CNTNAP3B: variants seen among roughly 807,000 people sequenced by gnomAD.
The protein encoded by CNTNAP3B is contactin associated protein family member 3B.
In CNTNAP3B, 25 loss-of-function variants were observed where a neutral mutation model predicts 108.9. The observed-to-expected ratio is 0.23, with a 90% CI of 0.17 to 0.32. CNTNAP3B has a LOEUF of 0.32. Ranked by LOEUF, CNTNAP3B falls within the 10% of genes least tolerant of loss-of-function variation. The probability of loss-of-function intolerance (pLI) is 1.00; values close to 1 mark genes in which losing one functional copy is unlikely to be tolerated. For synonymous variants in CNTNAP3B, 103 were observed against 473.4 expected, an observed-to-expected ratio of 0.22 and a Z score of 10.16; for missense variants, 252 against 1,210.4, an observed-to-expected ratio of 0.21 and a Z score of 11.75.
intron 1 of CNTNAP3B, among the ~76,000 whole-genome samples, chr9:42,116,795 C>T (rs1387934873): frequency 7.2e-6 from 1 of 138,122 alleles, no homozygotes; most frequent in Non-Finnish European, 1.5e-5. Context: ...CGTGCAGAGA[C>T]ACACATAGGC....
chr9:42,030,813 G>GGA lies in CNTNAP3B; in HGVS notation c.391-17290_391-17289dup, dbSNP rs71274672. On this transcript the variant is annotated intron_variant, in intron 3 of 23. Transcript: ENST00000377561. The stretch of plus-strand genomic sequence containing the variant: ...TGTGCGAGAGAGAGAGAGAGAGAGA[G>GGA]GAGAGAGAGAGAGAGAGAGAGAGAG... Among the ~76,000 whole-genome samples the GGA allele has an allele frequency of 7.0e-3, 462 of 65,670 alleles. 43 individuals carry two copies. Among genetic ancestry groups the GGA allele is most frequent in the East Asian group, 0.02 (41 of 2,004 alleles). 43.1% of individuals were successfully genotyped at this position (65,670 alleles called of 152,430 possible). A position where few individuals can be genotyped will look rare whatever the true frequency, so the allele number is the denominator to read the frequency against.
rs1167608557 is a variant in CNTNAP3B, at chr9:41,928,682, G to A, written c.2365+635C>T. Reference sequence around the variant, plus strand: ...TACATTTAGTCTCAGACTTCTCCACGGCAATGTATGATGCTAGTGGGTAAG... The same window carrying A: ...TACATTTAGTCTCAGACTTCTCCACAGCAATGTATGATGCTAGTGGGTAAG... On this transcript the variant is annotated intron_variant, in intron 15 of 23. Coordinates refer to ENST00000377561, the MANE Select transcript of CNTNAP3B (RefSeq NM_001201380.3). Among the ~76,000 whole-genome samples, 9 of 152,130 alleles carry A rather than the reference G, an allele frequency of 5.9e-5. No individual in the cohort carries two copies. In the South Asian group the frequency reaches 1.7e-3, roughly 28 times the overall value.
rs1828411051 is a variant in CNTNAP3B at position 42,119,608 on chromosome 9, C to T, written c.85+9402G>A. ...TACAAGGCTACAGTAACCAAAACAG[C>T]ATGGCACTGGTACCAAAACAGAGAT... is the stretch of plus-strand genomic sequence containing the variant. On this transcript the variant is annotated intron_variant, in intron 1 of 23. Transcript: ENST00000377561. Among the ~76,000 whole-genome samples, 2 of 131,922 alleles carry T rather than the reference C, an allele frequency of 1.5e-5. 1 individual carries two copies. Among genetic ancestry groups the T allele is most frequent in the Admixed American group, 1.5e-4 (2 of 13,032 alleles). 86.5% of individuals were successfully genotyped at this position (131,922 alleles called of 152,430 possible).
At chr9:41,928,694 T>C (rs1823889341) in intron 15 of CNTNAP3B, among the ~76,000 whole-genome samples, 1 of 151,904 alleles carries the variant, frequency 6.6e-6, no homozygotes, top group Non-Finnish European at 1.5e-5. Flanking sequence ...CAATGTATGA[T>C]GCTAGTGGGT....
At chr9:42,042,488 G>A (rs1220317391) in intron 3 of CNTNAP3B, among the ~76,000 whole-genome samples, 6 of 140,720 alleles carry the variant, frequency 4.3e-5, no homozygotes, top group Non-Finnish European at 7.6e-5. Flanking sequence ...AAGAATAGTG[G>A]GGAAAAAATG....
At chr9:42,035,752 G>A (rs1479843487) in intron 3 of CNTNAP3B, among the ~76,000 whole-genome samples, 1 of 150,798 alleles carries the variant, frequency 6.6e-6, no homozygotes, top group East Asian at 1.9e-4. Flanking sequence ...TGAACTCCTG[G>A]GCTTAAGCTA....
intron 12 of CNTNAP3B, among the ~76,000 whole-genome samples, chr9:41,954,846 G>T (rs1405208025): frequency 1.2e-3 from 181 of 152,306 alleles, no homozygotes; most frequent in African/African-American, 4.2e-3. Context: ...ACCACACCTG[G>T]CTAATTTTTG....
At chr9:41,941,569 A>C (rs1824344192) in intron 13 of CNTNAP3B, among the ~76,000 whole-genome samples, 1 of 127,456 alleles carries the variant, frequency 7.8e-6, no homozygotes, top group African/African-American at 3.0e-5. Flanking sequence ...TATGACATTA[A>C]GAGTCTGGAA....
rs1325889924 is a variant in CNTNAP3B, at chr9:42,114,763, G to A, written c.86-10024C>T. ...AAAAAACATGTTCCACTGAAGAAGA[G>A]AGAAATGGGCAAAGTAACCAAGGAA... On this transcript the variant is annotated intron_variant, in intron 1 of 23. Coordinates refer to ENST00000377561, the MANE Select transcript of CNTNAP3B (RefSeq NM_001201380.3). Among the ~76,000 whole-genome samples, 2 of 134,870 alleles carry A rather than the reference G, an allele frequency of 1.5e-5. 1 individual carries two copies. Among genetic ancestry groups the A allele is most frequent in the Admixed American group, 1.5e-4 (2 of 13,332 alleles). The allele number at this position is 134,870 out of a possible 152,430, so 88.5% of individuals were successfully genotyped here.
At chr9:41,982,083 A>G (rs1251100958) in intron 9 of CNTNAP3B, among the ~76,000 whole-genome samples, 5 of 111,970 alleles carry the variant, frequency 4.5e-5, no homozygotes, top group Non-Finnish European at 8.8e-5. Flanking sequence ...AAAAAAAAAA[A>G]GTAAAGCCTA....
intron 3 of CNTNAP3B, among the ~76,000 whole-genome samples, chr9:42,049,187 T>C (rs1177990597): frequency 7.7e-6 from 1 of 129,420 alleles, no homozygotes; most frequent in Non-Finnish European, 1.6e-5. Context: ...CTCATTCCCA[T>C]GGCCAACCTC....
intron 13 of CNTNAP3B, among the ~76,000 whole-genome samples, chr9:41,951,890 A>C (rs1198347348): frequency 1.3e-5 from 2 of 152,252 alleles, no homozygotes; most frequent in Non-Finnish European, 2.9e-5. Context: ...CAGCCTGACC[A>C]ACACGGTGAA....
At chr9:42,089,684 C>T (rs1564193220) in intron 2 of CNTNAP3B, among the ~76,000 whole-genome samples, 1 of 148,142 alleles carries the variant, frequency 6.8e-6, no homozygotes, top group African/African-American at 2.5e-5. Context: ...TGAACCTAGT[C>T]AGTGTGCCAA....
At position 41,952,018 on chromosome 9, in the gene CNTNAP3B, G is replaced by A. The variant is rs528675262; in HGVS notation, c.2080+1165C>T. Among the ~76,000 whole-genome samples, 8 of 152,376 alleles carry A rather than the reference G, an allele frequency of 5.3e-5. No homozygotes were observed. In the South Asian group the frequency reaches 1.4e-3, roughly 28 times the overall value. ...CTTGAATCCGGGAGGGGAGCGGGTT[G>A]CAGTGAGCAAAGATCGTGCCACTGC... On this transcript the variant is annotated intron_variant, in intron 13 of 23. Coordinates refer to ENST00000377561, the MANE Select transcript of CNTNAP3B (RefSeq NM_001201380.3).
At chr9:42,094,394 C>A (rs1827858452) in intron 2 of CNTNAP3B, among the ~76,000 whole-genome samples, 1 of 129,866 alleles carries the variant, frequency 7.7e-6, no homozygotes, top group Non-Finnish European at 1.6e-5. Context: ...GTGGCTCAGG[C>A]CTGTAATCCC....
chr9:41,966,889 C>T (rs1326507977), intron 10 of CNTNAP3B, among the ~76,000 whole-genome samples: 2 of 150,086 alleles, frequency 1.3e-5, no homozygotes, highest in Admixed American at 1.3e-4. Context: ...ATGGCATGAA[C>T]CCAGGAGGCG....
chr9:41,990,905 G>C (rs1245376632), intron 8 of CNTNAP3B, among the ~76,000 whole-genome samples: 1 of 139,698 alleles, frequency 7.2e-6, no homozygotes, highest in African/African-American at 2.8e-5. Flanking sequence ...GGCCCTGATG[G>C]GGAGTGGGGA....
Position 42,118,250 on chromosome 9 carries a change from T to C in CNTNAP3B, c.85+10760A>G, listed in dbSNP as rs531621435. 2.2e-5 allele frequency among the ~76,000 whole-genome samples: 3 copies of C among 139,412 alleles called. No individual in the cohort carries two copies. The East Asian group carries it at 6.6e-4, about 30-fold the overall frequency. 91.5% of individuals were successfully genotyped at this position (139,412 alleles called of 152,430 possible). A position where few individuals can be genotyped will look rare whatever the true frequency, so the allele number is the denominator to read the frequency against. On this transcript the variant is annotated intron_variant, in intron 1 of 23. Transcript: ENST00000377561. ...AAAGAGAATTTTAGACCAATATCCT[T>C]GATGAACATTGATGCAAAAATCCTC... is the stretch of plus-strand genomic sequence containing the variant.
intron 9 of CNTNAP3B, chr9:41,975,122 C>G (rs1249141752): frequency 5.6e-6 from 1 of 179,842 alleles, no homozygotes; most frequent in East Asian, 2.0e-4. Context: ...GCTGGGGCCT[C>G]GGGGAGCACC....
Sources: allele counts gnomAD v4.1 joint callset (sites outside exome capture counted in the v4.1 genomes callset), GRCh38; gene constraint gnomAD v4.1.1; transcripts MANE v1.5; gene names NCBI Gene and HGNC (gene_info 2026-07-23, HGNC 2026-07-21).